DSCAM: variants seen among roughly 807,000 people sequenced by gnomAD.
The protein encoded by DSCAM is cell adhesion molecule DSCAM.
In DSCAM, 47 loss-of-function variants were observed where a neutral mutation model predicts 217.7. That is an observed-to-expected ratio of 0.22 (90% CI 0.17 to 0.28). The LOEUF is 0.28. Ranked by LOEUF, DSCAM falls within the 10% of genes least tolerant of loss-of-function variation. DSCAM has a pLI of 1.00. For missense variants in DSCAM, 2,080 were observed against 2,618.3 expected, an observed-to-expected ratio of 0.79 and a Z score of 4.49; for synonymous variants, 1,056 against 1,015.3, an observed-to-expected ratio of 1.04 and a Z score of -0.76.
chr21:40,812,762 G>A (rs2091849783), intron 1 of DSCAM, among the ~76,000 whole-genome samples: 1 of 152,190 alleles, frequency 6.6e-6, no homozygotes, highest in Admixed American at 6.5e-5. Context: ...GAGAGCCTTG[G>A]TTTGAACTTT....
intron 32 of DSCAM, among the ~76,000 whole-genome samples, chr21:40,028,827 G>A (rs1255730891): frequency 2.0e-5 from 3 of 152,182 alleles, no homozygotes; most frequent in Non-Finnish European, 4.4e-5. Context: ...CTGCAGACCG[G>A]AGCTGTTCCT....
chr21:40,310,760 G>T (rs1316628395), intron 9 of DSCAM, among the ~76,000 whole-genome samples: 1 of 152,150 alleles, frequency 6.6e-6, no homozygotes, highest in Non-Finnish European at 1.5e-5. Flanking sequence ...CTGCTTATAA[G>T]AAAACGCTTG....
intron 3 of DSCAM, among the ~76,000 whole-genome samples, chr21:40,598,220 T>C (rs1293676180): frequency 6.6e-6 from 1 of 152,158 alleles, no homozygotes; most frequent in African/African-American, 2.4e-5. Context: ...TTTTTCAGAC[T>C]TGCTTTCCTT....
At chr21:40,579,915 T>C (rs534216488) in intron 3 of DSCAM, among the ~76,000 whole-genome samples, 12 of 152,160 alleles carry the variant, frequency 7.9e-5, no homozygotes, top group African/African-American at 2.2e-4. Context: ...CATTCAGCCA[T>C]TGTGAGCCAC....
At chr21:40,241,371 A>G (rs540821842) in intron 11 of DSCAM, among the ~76,000 whole-genome samples, 2 of 152,360 alleles carry the variant, frequency 1.3e-5, no homozygotes, top group South Asian at 4.1e-4. Context: ...CATGTAGCCA[A>G]CAAATATATG....
chr21:40,268,685 A>G lies in DSCAM; in HGVS notation c.2356+7412T>C, dbSNP rs1316646921. ...ATTTTTCGAAAGGCTGTGGTGGCTC[A>G]TGCCTGTAATTCCAGCACTTTGGGA... On this transcript the variant is annotated intron_variant, in intron 11 of 32. Coordinates refer to ENST00000400454, the MANE Select transcript of DSCAM (RefSeq NM_001389.5). Among the ~76,000 whole-genome samples, 3 of 152,136 alleles carry G rather than the reference A, an allele frequency of 2.0e-5. No homozygotes were observed. In the East Asian group the frequency reaches 5.8e-4, roughly 29 times the overall value.
chr21:40,138,027 C>T (rs2090234098), intron 18 of DSCAM, among the ~76,000 whole-genome samples: 1 of 152,070 alleles, frequency 6.6e-6, no homozygotes, highest in African/African-American at 2.4e-5. Context: ...AGGCCTTAAC[C>T]ATGATTTAAC....
At chr21:40,362,492 C>A (rs574721517) in intron 4 of DSCAM, among the ~76,000 whole-genome samples, 3 of 152,272 alleles carry the variant, frequency 2.0e-5, no homozygotes, top group South Asian at 4.2e-4. Flanking sequence ...TATGGTTTTC[C>A]CGTTCTTAGT....
At chr21:40,576,765 T>C (rs1409404034) in intron 3 of DSCAM, among the ~76,000 whole-genome samples, 1 of 152,024 alleles carries the variant, frequency 6.6e-6, no homozygotes, top group Non-Finnish European at 1.5e-5. Flanking sequence ...TGAAAAGATA[T>C]AAATGCGCAA....
intron 20 of DSCAM, among the ~76,000 whole-genome samples, chr21:40,123,479 C>T (rs910278190): frequency 1.3e-5 from 2 of 152,008 alleles, no homozygotes; most frequent in African/African-American, 4.8e-5. Flanking sequence ...TTTGGTGGGT[C>T]ATTTTAATGT....
rs116553608 is a variant in DSCAM at position 40,527,623 on chromosome 21, C to T, written c.509-158378G>A. Among the ~76,000 whole-genome samples the T allele has an allele frequency of 3.2e-3, 482 of 152,304 alleles. 2 individuals carry two copies. The highest frequency in any genetic ancestry group is 0.011 in the African/African-American group (460 of 41,564). ...GAAGAACCACCCAACTGAGCTCAGCCTAAATTGCCAGTTCACACAATCATG... is the reference window on the plus strand; with the variant it reads ...GAAGAACCACCCAACTGAGCTCAGCTTAAATTGCCAGTTCACACAATCATG... On this transcript the variant is annotated intron_variant, in intron 3 of 32. Transcript: ENST00000400454.
At chr21:40,553,250 T>C (rs1032499117) in intron 3 of DSCAM, among the ~76,000 whole-genome samples, 2 of 152,264 alleles carry the variant, frequency 1.3e-5, no homozygotes, top group Non-Finnish European at 2.9e-5. Context: ...AGTGCTTTTA[T>C]GAAAGTACCA....
intron 3 of DSCAM, among the ~76,000 whole-genome samples, chr21:40,510,994 T>C (rs1197629383): frequency 6.6e-6 from 1 of 152,234 alleles, no homozygotes; most frequent in African/African-American, 2.4e-5. Flanking sequence ...AATCATGTCA[T>C]GTTTCTTTTA....
At chr21:40,776,346 T>C (rs1009237157) in intron 1 of DSCAM, among the ~76,000 whole-genome samples, 2 of 152,340 alleles carry the variant, frequency 1.3e-5, no homozygotes, top group African/African-American at 4.8e-5. Context: ...TTCTAGGTAC[T>C]GTGTCTTTCA....
intron 3 of DSCAM, among the ~76,000 whole-genome samples, chr21:40,579,642 A>C (rs2076887314): frequency 6.6e-6 from 1 of 152,216 alleles, no homozygotes; most frequent in Non-Finnish European, 1.5e-5. Flanking sequence ...ATTCCAACCT[A>C]TCAGAGAGAA....
intron 3 of DSCAM, among the ~76,000 whole-genome samples, chr21:40,645,843 C>A (rs1053233753): frequency 2.0e-5 from 3 of 152,036 alleles, no homozygotes; most frequent in African/African-American, 7.2e-5. Context: ...TTTGTTGTGT[C>A]CAGGGAATAT....
chr21:40,201,736 C>T (rs142585380), intron 11 of DSCAM, among the ~76,000 whole-genome samples: 218 of 152,152 alleles, frequency 1.4e-3, no homozygotes, highest in African/African-American at 5.1e-3. Context: ...CCATTGTACT[C>T]AGCAGAAAAC....
At chr21:40,527,234 C>T (rs1200522446) in intron 3 of DSCAM, among the ~76,000 whole-genome samples, 2 of 152,160 alleles carry the variant, frequency 1.3e-5, no homozygotes, top group African/African-American at 2.4e-5. Flanking sequence ...CAAAAATAGC[C>T]ATAATCCTCC....
chr21:40,782,949 T>G (rs2091561905), intron 1 of DSCAM, among the ~76,000 whole-genome samples: 1 of 152,234 alleles, frequency 6.6e-6, no homozygotes, highest in Non-Finnish European at 1.5e-5. Flanking sequence ...ACATAGGGAT[T>G]ACATCATCTA....
Sources: allele counts gnomAD v4.1 joint callset (sites outside exome capture counted in the v4.1 genomes callset), GRCh38; gene constraint gnomAD v4.1.1; transcripts MANE v1.5; gene names NCBI Gene and HGNC (gene_info 2026-07-23, HGNC 2026-07-21).